The following UNC5D variants were observed in gnomAD, a reference collection of about 807,000 sequenced individuals.
The protein encoded by UNC5D is netrin receptor UNC5D.
A neutral mutation model predicts 105.4 loss-of-function variants in UNC5D; 39 were observed. That is an observed-to-expected ratio of 0.37 (90% CI 0.29 to 0.48). The LOEUF (loss-of-function observed/expected upper bound fraction) is 0.48. Ranked by LOEUF, UNC5D falls within the 20% of genes least tolerant of loss-of-function variation. The pLI is 0.98. For missense variants in UNC5D, 991 were observed against 1,202.4 expected (o/e 0.82, Z 2.60); for synonymous variants, 452 against 450.4 (o/e 1.00, Z -0.04).
intron 4 of UNC5D, among the ~76,000 whole-genome samples, chr8:35,676,655 T>C (rs999993015): frequency 2.6e-5 from 4 of 152,242 alleles, no homozygotes; most frequent in Admixed American, 2.6e-4. Flanking sequence ...ACCTGCAGAA[T>C]ATTGGATATA....
At position 35,567,465 on chromosome 8, in the gene UNC5D, G is replaced by A. The variant is rs1368823509; in HGVS notation, c.323-633G>A. 9.9e-5 allele frequency among the ~76,000 whole-genome samples: 15 copies of A among 152,182 alleles called. No individual in the cohort carries two copies. The East Asian group carries it at 2.7e-3, about 27-fold the overall frequency. Reference sequence around the variant, plus strand: ...AGGCCAGAAATTCCAGACCAGCCTGGTCAACATAGTGAGATCCCCATCGCT... The same window carrying A: ...AGGCCAGAAATTCCAGACCAGCCTGATCAACATAGTGAGATCCCCATCGCT... On this transcript the variant is annotated intron_variant, in intron 2 of 16. Coordinates refer to ENST00000404895, the MANE Select transcript of UNC5D (RefSeq NM_080872.4).
At chr8:35,281,422 C>CTT (rs10601544) in intron 1 of UNC5D, among the ~76,000 whole-genome samples, 1 of 142,244 alleles carries the variant, frequency 7.0e-6, no homozygotes, top group African/African-American at 2.6e-5. Context: ...CTTTTTTTTT[C>CTT]TTTTTTTTTT....
At chr8:35,442,936 A>ACAAC (rs1210252115) in intron 1 of UNC5D, among the ~76,000 whole-genome samples, 1 of 135,196 alleles carries the variant, frequency 7.4e-6, no homozygotes. Flanking sequence ...ACACACACAC[A>ACAAC]ACACACACAC....
At chr8:35,399,568 GGC>G (rs1408757782) in intron 1 of UNC5D, among the ~76,000 whole-genome samples, 1 of 151,662 alleles carries the variant, frequency 6.6e-6, no homozygotes, top group Non-Finnish European at 1.5e-5. Flanking sequence ...TCTACATCTG[GGC>G]ATCACAAATT....
Position 35,686,639 on chromosome 8 carries a change from A to G in UNC5D, c.1014A>G (p.Arg338=). Reference sequence around the variant, plus strand: ...GGGAGTGCACAGCACCACCCCCGAGAAATGGGGGCAAATTCTGTGAAGGTC... The same window carrying G: ...GGGAGTGCACAGCACCACCCCCGAGGAATGGGGGCAAATTCTGTGAAGGTC... ...RIRECTAPPP[R]NGGKFCEGLS... Residue 338 remains arginine, a synonymous_variant, in exon 7 of 17, where the codon AGA becomes AGG. Coordinates refer to ENST00000404895, the MANE Select transcript of UNC5D (RefSeq NM_080872.4). 1 of 1,606,572 alleles carries G rather than the reference A, an allele frequency of 6.2e-7. No homozygotes were observed. The highest frequency in any genetic ancestry group is 1.3e-5 in the African/African-American group (1 of 74,228).
chr8:35,568,373 A>ATTTTATTTTATTTTATTT lies in UNC5D; in HGVS notation c.466+133_466+134insTTTATTTTATTTTATTTT, dbSNP rs1563543764. The ATTTTATTTTATTTTATTT allele has an allele frequency of 1.1e-5, 14 of 1,282,060 alleles. No individual in the cohort carries two copies. In the East Asian group the frequency reaches 3.4e-4, roughly 31 times the overall value. 79.4% of individuals were successfully genotyped at this position (1,282,060 alleles called of 1,614,324 possible). A position where few individuals can be genotyped will look rare whatever the true frequency, so the allele number is the denominator to read the frequency against. ...GAGGTCTTAAATTTACTCTTCTAAA[A>ATTTTATTTTATTTTATTT]TGTTATTTTAAAATGTTTGATAATT... On this transcript the variant is annotated intron_variant, in intron 3 of 16. Transcript: ENST00000404895.
rs934233416 is a variant in UNC5D at position 35,726,355 on chromosome 8, G to A, written c.1507G>A (p.Gly503Ser). 1.7e-5 allele frequency: 28 copies of A among 1,613,902 alleles called. No homozygotes were observed. Among genetic ancestry groups the A allele is most frequent in the South Asian group, 3.3e-5 (3 of 91,088 alleles). The stretch of plus-strand genomic sequence containing the variant: ...AGTGTCTGAGAGAGCTGAGTACCAC[G>A]GCAAGAATCATTCCAGGACTTTTCC... ...LGVSERAEYH[G>S]KNHSRTFPHG... The change falls in exon 10 of 17, where the codon GGC (glycine) becomes AGC (serine). Residue 503 changes from glycine (G) to serine (S), a missense_variant. By Grantham distance (56) the Gly-to-Ser change is moderately conservative. Coordinates refer to ENST00000404895, the MANE Select transcript of UNC5D (RefSeq NM_080872.4).
intron 2 of UNC5D, among the ~76,000 whole-genome samples, chr8:35,566,866 C>A (rs189773304): frequency 8.5e-5 from 13 of 152,224 alleles, no homozygotes; most frequent in African/African-American, 3.1e-4. Context: ...ATGAAGAGGA[C>A]GTGCTGGCTG....
chr8:35,345,687 G>GTTCACAAAATTT (rs1242154631), intron 1 of UNC5D, among the ~76,000 whole-genome samples: 59 of 152,062 alleles, frequency 3.9e-4, no homozygotes, highest in African/African-American at 1.3e-3. Flanking sequence ...TAAATGTTCT[G>GTTCACAAAATTT]TGTGCTCACA....
intron 8 of UNC5D, among the ~76,000 whole-genome samples, chr8:35,708,341 GTAAATGAGATAATTTAATCAAT>G (rs1827728189): frequency 6.6e-6 from 1 of 152,222 alleles, no homozygotes; most frequent in African/African-American, 2.4e-5. Context: ...AGCACTTATT[GTAAATGAGATAATTTAATCAAT>G]TACGTTTCCT....
intron 1 of UNC5D, among the ~76,000 whole-genome samples, chr8:35,331,315 A>G (rs1563319651): frequency 6.6e-6 from 1 of 152,288 alleles, no homozygotes; most frequent in East Asian, 1.9e-4. Flanking sequence ...TCTCATAGTT[A>G]TAGACCCCTG....
rs1395078152 is a variant in UNC5D at position 35,568,859 on chromosome 8, G to A, written c.466+618G>A. 5.9e-5 allele frequency among the ~76,000 whole-genome samples: 9 copies of A among 152,092 alleles called. No individual in the cohort carries two copies. The South Asian group carries it at 1.4e-3, about 25-fold the overall frequency. On this transcript the variant is annotated intron_variant, in intron 3 of 16. Coordinates refer to ENST00000404895, the MANE Select transcript of UNC5D (RefSeq NM_080872.4). ...ATGCAAATGGATTCTGCTGTTCACC[G>A]TCAATGACAAAGTTCAAGGGGCACT...
chr8:35,524,563 G>C (rs1813712769), intron 1 of UNC5D, among the ~76,000 whole-genome samples: 1 of 125,292 alleles, frequency 8.0e-6, no homozygotes, highest in East Asian at 2.4e-4. Context: ...AAAATATTTA[G>C]AGAACATTTT....
chr8:35,607,853 C>CCCCTAA (rs148019427), intron 4 of UNC5D, among the ~76,000 whole-genome samples: 1 of 151,618 alleles, frequency 6.6e-6, no homozygotes, highest in Non-Finnish European at 1.5e-5. Flanking sequence ...CTAACCCTAA[C>CCCCTAA]CCCTAACCCT....
chr8:35,573,500 C>T (rs541342013), intron 3 of UNC5D, among the ~76,000 whole-genome samples: 32 of 152,154 alleles, frequency 2.1e-4, no homozygotes, highest in Non-Finnish European at 2.2e-4. Context: ...GATCAAAGGT[C>T]ACCCAGCTGA....
At chr8:35,456,402 T>TACCACACTTTGAGATCC (rs1374662587) in intron 1 of UNC5D, among the ~76,000 whole-genome samples, 7 of 152,172 alleles carry the variant, frequency 4.6e-5, no homozygotes, top group African/African-American at 1.4e-4. Flanking sequence ...CTGATTAAGG[T>TACCACACTTTGAGATCC]ACCACACTTT....
intron 1 of UNC5D, among the ~76,000 whole-genome samples, chr8:35,342,829 T>C (rs940969448): frequency 3.9e-5 from 6 of 152,112 alleles, no homozygotes; most frequent in African/African-American, 1.4e-4. Context: ...TCTACATATA[T>C]CTAACATAGA....
In UNC5D at chr8:35,487,487, G is replaced by A. The variant is rs188342536; in HGVS notation, c.104-61805G>A. ...TCCCCAGCCTGCCTATCTTCCTTGC[G>A]ATTTTAGACATATCTAGCCCTTCAC... On this transcript the variant is annotated intron_variant, in intron 1 of 16. Coordinates refer to ENST00000404895, the MANE Select transcript of UNC5D (RefSeq NM_080872.4). Among the ~76,000 whole-genome samples the A allele has an allele frequency of 1.3e-3, 194 of 151,952 alleles. 1 individual carries two copies. The highest frequency in any genetic ancestry group is 4.3e-3 in the African/African-American group (180 of 41,448).
intron 9 of UNC5D, chr8:35,724,089 A>G: frequency 7.3e-7 from 1 of 1,361,938 alleles, no homozygotes; most frequent in Non-Finnish European, 9.5e-7. Flanking sequence ...TGTTCCGTGG[A>G]GCACCAGGCA....
Sources: gnomAD v4.1 joint callset for allele counts (sites outside exome capture counted in the v4.1 genomes callset) on GRCh38, gnomAD v4.1.1 for gene constraint, MANE v1.5 for transcripts, NCBI Gene and HGNC (gene_info 2026-07-23, HGNC 2026-07-21) for gene names.